DENND3: variants seen among roughly 807,000 people sequenced by gnomAD.
DENND3 encodes the protein DENN domain containing 3.
Under a neutral mutation model 135.1 loss-of-function variants are expected in DENND3, and 88 were observed. The ratio of observed to expected loss-of-function variants is 0.65; its 90% CI spans 0.55 to 0.78. DENND3 has a LOEUF of 0.78. Ranked by LOEUF, DENND3 falls within the 30% of genes least tolerant of loss-of-function variation. The probability of loss-of-function intolerance (pLI) is 0.00; values close to 1 mark genes in which losing one functional copy is unlikely to be tolerated. For missense variants in DENND3, 1,392 were observed against 1,688.4 expected, an observed-to-expected ratio of 0.82 and a Z score of 3.08; for synonymous variants, 693 against 712.3, an observed-to-expected ratio of 0.97 and a Z score of 0.43.
chr8:141,174,371 G>A lies in DENND3; in HGVS notation c.2276-829G>A, dbSNP rs555117072. 1.1e-4 allele frequency among the ~76,000 whole-genome samples: 16 copies of A among 152,278 alleles called. No individual in the cohort carries two copies. Among genetic ancestry groups the A allele is most frequent in the Admixed American group, 9.8e-4 (15 of 15,298 alleles). On this transcript the variant is annotated intron_variant, in intron 13 of 22. Coordinates refer to ENST00000519811, the MANE Select transcript of DENND3 (RefSeq NM_001352890.3). The surrounding 1 kb of genome is among the most constrained non-coding windows in gnomAD (Gnocchi z 4.6). The stretch of plus-strand genomic sequence containing the variant: ...GGGTTTTCCTGTGCAGAACTGAGGG[G>A]GACTTGCTGCACGTCAGGGGACAGA...
intron 17 of DENND3, among the ~76,000 whole-genome samples, chr8:141,183,983 G>A (rs1045505233): frequency 1.3e-5 from 2 of 152,112 alleles, no homozygotes; most frequent in African/African-American, 4.8e-5. Context: ...GCCCCTTGAG[G>A]TTCTGGTCTG....
intron 9 of DENND3, among the ~76,000 whole-genome samples, chr8:141,162,960 G>T (rs1422396986): frequency 2.0e-5 from 3 of 152,224 alleles, no homozygotes; most frequent in Non-Finnish European, 4.4e-5. Context: ...GACTTGTCCG[G>T]GAAGGCTGGC....
chr8:141,186,568 G>A (rs1034493611), intron 18 of DENND3, among the ~76,000 whole-genome samples: 1 of 152,212 alleles, frequency 6.6e-6, no homozygotes, highest in African/African-American at 2.4e-5. Flanking sequence ...TAATGTTAGT[G>A]TATTTTATGT....
intron 13 of DENND3, among the ~76,000 whole-genome samples, chr8:141,171,412 C>T (rs768421396): frequency 1.3e-5 from 2 of 152,254 alleles, no homozygotes; most frequent in Non-Finnish European, 2.9e-5. Flanking sequence ...GGGACGCTGA[C>T]ATGTCTGCCA....
chr8:141,183,362 C>T (rs1026887507), intron 17 of DENND3, among the ~76,000 whole-genome samples: 8 of 152,184 alleles, frequency 5.3e-5, no homozygotes, highest in South Asian at 2.1e-4. Flanking sequence ...CCTCCGCCCT[C>T]GGCCTCCTGA....
intron 9 of DENND3, among the ~76,000 whole-genome samples, chr8:141,162,541 C>T (rs1820264669): frequency 6.6e-6 from 1 of 152,142 alleles, no homozygotes; most frequent in South Asian, 2.1e-4. Context: ...ACTAAGTATG[C>T]CCTGTAAGGT....
intron 20 of DENND3, 199 bp from the exon 21 acceptor site, chr8:141,192,132 C>T: frequency 3.6e-6 from 2 of 560,168 alleles, no homozygotes; most frequent in South Asian, 3.4e-5. Flanking sequence ...TGGTGAGCCT[C>T]ATTTCTTCTT....
intron 5 of DENND3, among the ~76,000 whole-genome samples, chr8:141,147,656 C>T (rs1030865717): frequency 1.5e-4 from 23 of 152,222 alleles, no homozygotes; most frequent in African/African-American, 5.5e-4. Context: ...GTTCTCATCC[C>T]GCAGGGCACG....
intron 7 of DENND3, 87 bp downstream of exon 7, chr8:141,151,924 C>A: frequency 6.6e-7 from 1 of 1,510,946 alleles, no homozygotes; most frequent in Non-Finnish European, 9.1e-7. Context: ...GAAAGTGCTC[C>A]GCGGTGAAGG....
intron 19 of DENND3, 106 bp downstream of exon 19, chr8:141,189,252 C>T (rs908454246): frequency 8.2e-5 from 119 of 1,456,886 alleles, no homozygotes; most frequent in Non-Finnish European, 1.1e-4. Context: ...CCAGGCGGGG[C>T]GTACAGAGTG....
At chr8:141,133,614 G>T (rs1816420065) in intron 1 of DENND3, among the ~76,000 whole-genome samples, 3 of 152,182 alleles carry the variant, frequency 2.0e-5, no homozygotes, top group Admixed American at 1.3e-4. Context: ...GGTCTTGCAG[G>T]TGCTTGGTGT....
chr8:141,166,301 C>T lies in DENND3; in HGVS notation c.1665C>T (p.Asn555=). The change falls in exon 12 of 23, where the codon AAC becomes AAT. Residue 555 remains asparagine, a synonymous_variant. Coordinates refer to ENST00000519811, the MANE Select transcript of DENND3 (RefSeq NM_001352890.3). This position sits in a 1 kb window ranked among gnomAD's most constrained non-coding sequence, Gnocchi z 4.3. ...THRRMVVSMP[N]LQDIAMPELA... is the part of the protein sequence containing the mutation. ...GGCGCATGGTGGTCAGCATGCCCAA[C>T]CTGCAGGACATTGCCATGCCTGAGC... 1 of 1,614,058 alleles carries T rather than the reference C, an allele frequency of 6.2e-7. No individual in the cohort carries two copies. Among genetic ancestry groups the T allele is most frequent in the Non-Finnish European group, 8.5e-7 (1 of 1,180,042 alleles).
intron 1 of DENND3, among the ~76,000 whole-genome samples, chr8:141,132,514 T>A (rs548074653): frequency 6.6e-6 from 1 of 152,238 alleles, no homozygotes; most frequent in Non-Finnish European, 1.5e-5. Flanking sequence ...TGTACGACTA[T>A]GCCTGGCTAA....
At position 141,128,857 on chromosome 8, in the gene DENND3, C is replaced by A; in HGVS notation, c.102+48C>A. ...CGGACGTGGGCCACGAGTCGGCAGC[C>A]GGGACAGCAGTCGGAGAGCGGGCGC... On this transcript the variant is annotated intron_variant, in intron 1 of 22. Coordinates refer to ENST00000519811, the MANE Select transcript of DENND3 (RefSeq NM_001352890.3). The surrounding 1 kb of genome is among the most constrained non-coding windows in gnomAD (Gnocchi z 4.5). 1 of 1,311,678 alleles carries A rather than the reference C, an allele frequency of 7.6e-7. No homozygotes were observed. The highest frequency in any genetic ancestry group is 9.9e-7 in the Non-Finnish European group (1 of 1,010,190). 81.3% of individuals were successfully genotyped at this position (1,311,678 alleles called of 1,614,324 possible).
intron 6 of DENND3, 111 bp from the exon 7 acceptor site, chr8:141,151,508 C>T (rs1818795202): frequency 2.0e-6 from 2 of 1,012,824 alleles, no homozygotes; most frequent in East Asian, 2.5e-5. Context: ...CTGCAGTGAG[C>T]TATGATCACA....
At chr8:141,171,916 G>A (rs376190512) in intron 13 of DENND3, among the ~76,000 whole-genome samples, 9 of 151,464 alleles carry the variant, frequency 5.9e-5, no homozygotes, top group East Asian at 1.9e-4. Context: ...CACAGTGGCC[G>A]AGGGTGTGCA....
At chr8:141,187,529 G>GT (rs1824055209) in intron 18 of DENND3, among the ~76,000 whole-genome samples, 3 of 152,068 alleles carry the variant, frequency 2.0e-5, no homozygotes, top group Admixed American at 2.0e-4. Context: ...CCCGGCCATG[G>GT]TATCAGTTTT....
chr8:141,179,703 C>G (rs1237177351), intron 16 of DENND3, among the ~76,000 whole-genome samples: 1 of 152,252 alleles, frequency 6.6e-6, no homozygotes, highest in Non-Finnish European at 1.5e-5. Context: ...CCGCCAGCCT[C>G]GTGCGGAGTC....
At position 141,141,187 on chromosome 8, in the gene DENND3, GT is replaced by G. The variant is rs1165798192; in HGVS notation, c.502-14del. On this transcript the variant is annotated splice_polypyrimidine_tract_variant and intron_variant, in intron 3 of 22. Transcript: ENST00000519811. The surrounding 1 kb of genome is among the most constrained non-coding windows in gnomAD (Gnocchi z 5.3). ...AAGGTGGGGAGGTGACCATGTCGCTGTTGCTTTTCATGTAGGATGAGTACTG... is the reference window on the plus strand; with the variant it reads ...AAGGTGGGGAGGTGACCATGTCGCTGTGCTTTTCATGTAGGATGAGTACTG... 2 of 1,614,190 alleles carry G rather than the reference GT, an allele frequency of 1.2e-6. No homozygotes were observed. Among genetic ancestry groups the G allele is most frequent in the South Asian group, 2.2e-5 (2 of 91,092 alleles).
Sources: allele counts gnomAD v4.1 joint callset (sites outside exome capture counted in the v4.1 genomes callset), GRCh38; gene constraint gnomAD v4.1.1; non-coding constraint Gnocchi (gnomAD v3.1); transcripts MANE v1.5; gene names NCBI Gene and HGNC (gene_info 2026-07-23, HGNC 2026-07-21).